AK4: variants seen among roughly 807,000 people sequenced by gnomAD.
AK4 encodes the protein adenylate kinase 4, mitochondrial.
A neutral mutation model predicts 24.6 loss-of-function variants in AK4; 13 were observed. The ratio of observed to expected loss-of-function variants is 0.53; its 90% CI spans 0.34 to 0.84. The LOEUF is 0.84. Ranked by LOEUF, AK4 falls within the 40% of genes least tolerant of loss-of-function variation. AK4 has a pLI of 0.01. For missense variants in AK4, 192 were observed against 288.2 expected, an observed-to-expected ratio of 0.67 and a Z score of 2.42; for synonymous variants, 88 against 107.0, an observed-to-expected ratio of 0.82 and a Z score of 1.10.
rs755526060 is a variant in AK4, at chr1:65,218,977, TTTCCA to T, written c.438+54_438+58del. 3 of 1,421,840 alleles carry T rather than the reference TTTCCA, an allele frequency of 2.1e-6. 1 individual carries two copies. In the South Asian group the frequency reaches 4.3e-5, roughly 20 times the overall value. The allele number at this position is 1,421,840 out of a possible 1,614,324, so 88.1% of individuals were successfully genotyped here. A position where few individuals can be genotyped will look rare whatever the true frequency, so the allele number is the denominator to read the frequency against. On this transcript the variant is annotated intron_variant, in intron 3 of 4. Coordinates refer to ENST00000327299, the MANE Select transcript of AK4 (RefSeq NM_013410.4). ...AACCTGACAAGAAAAAGACAAACAA[TTTCCA>T]TTGAAAAGTGGAGAAAAGGATATGA...
chr1:65,182,611 C>A (rs985976179), intron 1 of AK4, among the ~76,000 whole-genome samples: 3 of 151,846 alleles, frequency 2.0e-5, no homozygotes, highest in Non-Finnish European at 4.4e-5. Context: ...GACTTTCATT[C>A]CAGTTGATGG....
chr1:65,193,287 G>A (rs1354219138), intron 2 of AK4, among the ~76,000 whole-genome samples: 6 of 152,166 alleles, frequency 3.9e-5, no homozygotes, highest in African/African-American at 1.4e-4. Context: ...AGCTGTTTGA[G>A]TTATGGTTGA....
chr1:65,178,204 GATT>G (rs1407097358), intron 1 of AK4, among the ~76,000 whole-genome samples: 1 of 152,142 alleles, frequency 6.6e-6, no homozygotes, highest in African/African-American at 2.4e-5. Context: ...GCCTCAAGGG[GATT>G]ATAATCTGCT....
At chr1:65,224,139 G>A (rs1421970608) in intron 3 of AK4, among the ~76,000 whole-genome samples, 1 of 152,172 alleles carries the variant, frequency 6.6e-6, no homozygotes, top group African/African-American at 2.4e-5. Context: ...TACCTTTTGA[G>A]TAATATAATT....
At chr1:65,200,173 G>A (rs535035570) in intron 2 of AK4, among the ~76,000 whole-genome samples, 1 of 152,232 alleles carries the variant, frequency 6.6e-6, no homozygotes, top group South Asian at 2.1e-4. Flanking sequence ...GAGTGCAATG[G>A]TGCGATCTTG....
intron 2 of AK4, among the ~76,000 whole-genome samples, chr1:65,198,074 A>G (rs1651538584): frequency 6.6e-6 from 1 of 152,194 alleles, no homozygotes; most frequent in African/African-American, 2.4e-5. Context: ...GTTTATGTGT[A>G]GGAGGGCAGT....
intron 2 of AK4, among the ~76,000 whole-genome samples, chr1:65,204,383 T>C (rs1651753383): frequency 6.6e-6 from 1 of 151,988 alleles, no homozygotes; most frequent in Admixed American, 6.6e-5. Context: ...ACATTTTTGA[T>C]AGAGACAGGG....
intron 2 of AK4, 75 bp from the exon 3 acceptor site, chr1:65,218,679 C>A: frequency 7.1e-7 from 1 of 1,413,066 alleles, no homozygotes; most frequent in Non-Finnish European, 9.5e-7. Context: ...TTAATTCTGT[C>A]ACTGAAAATG....
intron 1 of AK4, among the ~76,000 whole-genome samples, chr1:65,188,838 G>A (rs1242199833): frequency 2.0e-5 from 3 of 151,884 alleles, no homozygotes; most frequent in Non-Finnish European, 2.9e-5. Context: ...GCAGTGGCAC[G>A]ATCTTGGCTC....
intron 1 of AK4, among the ~76,000 whole-genome samples, chr1:65,183,564 G>GAGTC (rs1485808853): frequency 2.0e-5 from 3 of 151,874 alleles, no homozygotes. Flanking sequence ...TTCTTTTTGA[G>GAGTC]AGTCATTCAG....
At chr1:65,212,172 C>T (rs1362705483) in intron 2 of AK4, among the ~76,000 whole-genome samples, 1 of 152,140 alleles carries the variant, frequency 6.6e-6, no homozygotes, top group Admixed American at 6.6e-5. Context: ...TTTGGCTTTT[C>T]CTCTGCATGT....
intron 2 of AK4, among the ~76,000 whole-genome samples, chr1:65,195,640 T>G (rs189570576): frequency 1.4e-3 from 216 of 152,314 alleles, no homozygotes; most frequent in African/African-American, 4.9e-3. Context: ...GCAGCCTGTG[T>G]GACCCTGGGC....
chr1:65,177,781 A>G (rs1012024048), intron 1 of AK4, among the ~76,000 whole-genome samples: 8 of 152,158 alleles, frequency 5.3e-5, no homozygotes, highest in African/African-American at 1.9e-4. Context: ...TTCTGCACCA[A>G]TTTGTGTAGA....
At chr1:65,195,978 T>C (rs891911654) in intron 2 of AK4, among the ~76,000 whole-genome samples, 1 of 152,224 alleles carries the variant, frequency 6.6e-6, no homozygotes, top group African/African-American at 2.4e-5. Context: ...AGGCCTGTTT[T>C]AGTGAAGTAC....
Position 65,229,677 on chromosome 1 carries a change from C to A in AK4, c.*3500C>A, listed in dbSNP as rs1290813181. ...CCTCCTTTATGAATAGAATAAAAGA[C>A]TGTCAAAGTAGGCTGGGCTTGGGCC... On this transcript the variant is annotated 3_prime_UTR_variant, in exon 5 of 5. Transcript: ENST00000327299. The A allele has an allele frequency of 1.3e-5, 2 of 152,148 alleles. No homozygotes were observed. Among genetic ancestry groups the A allele is most frequent in the Non-Finnish European group, 2.9e-5 (2 of 68,024 alleles). The allele number at this position is 152,148 out of a possible 1,614,324, so 9.4% of individuals were successfully genotyped here.
chr1:65,214,175 G>A (rs1392946321), intron 2 of AK4, among the ~76,000 whole-genome samples: 9 of 152,128 alleles, frequency 5.9e-5, no homozygotes, highest in Admixed American at 3.9e-4. Context: ...GTAGTGGCAC[G>A]ATCTCGGCTC....
At chr1:65,153,948 A>G (rs554795826) in intron 1 of AK4, among the ~76,000 whole-genome samples, 69 of 152,228 alleles carry the variant, frequency 4.5e-4, no homozygotes, top group Non-Finnish European at 9.3e-4. Context: ...AGGTCAGGTC[A>G]GAGAGACGAG....
At chr1:65,220,753 G>C (rs1652271231) in intron 3 of AK4, among the ~76,000 whole-genome samples, 1 of 152,190 alleles carries the variant, frequency 6.6e-6, no homozygotes, top group Admixed American at 6.5e-5. Flanking sequence ...TGAGATGACA[G>C]GTACGAGCCA....
intron 1 of AK4, among the ~76,000 whole-genome samples, chr1:65,184,821 T>G (rs1366564205): frequency 6.6e-6 from 1 of 152,236 alleles, no homozygotes; most frequent in East Asian, 1.9e-4. Context: ...AAGGTCATTT[T>G]GCTTTGTCTG....
Sources: allele counts gnomAD v4.1 joint callset (sites outside exome capture counted in the v4.1 genomes callset), GRCh38; gene constraint gnomAD v4.1.1; transcripts MANE v1.5; gene names NCBI Gene and HGNC (gene_info 2026-07-23, HGNC 2026-07-21).